The following FGF14 variants were observed in gnomAD, a reference collection of about 807,000 sequenced individuals.
The protein encoded by FGF14 is fibroblast growth factor 14, also known as fibroblast growth factor homologous factor 4.
FGF14 carries 5 observed loss-of-function variants against 25.5 expected under a neutral mutation model. That is an observed-to-expected ratio of 0.20 (90% confidence interval 0.10 to 0.41). The LOEUF (loss-of-function observed/expected upper bound fraction) is 0.41. FGF14 is among the 10% of genes least tolerant of loss of function. FGF14 has a pLI of 1.00. For missense variants in FGF14, 222 were observed against 320.1 expected (o/e 0.69, Z 2.34); for synonymous variants, 138 against 118.3 (o/e 1.17, Z -1.08).
intron 1 of FGF14, among the ~76,000 whole-genome samples, chr13:102,174,937 A>C (rs1166950906): frequency 6.6e-6 from 1 of 152,126 alleles, no homozygotes; most frequent in Non-Finnish European, 1.5e-5. Flanking sequence ...AAATTAAAAA[A>C]AAAAGAAATT....
chr13:102,079,378 C>A (rs2043510977), intron 1 of FGF14, among the ~76,000 whole-genome samples: 1 of 152,104 alleles, frequency 6.6e-6, no homozygotes, highest in South Asian at 2.1e-4. Context: ...CAGAGGAAAT[C>A]ATATTAAAGT....
At chr13:102,318,232 C>A (rs1020813816) in intron 1 of FGF14, among the ~76,000 whole-genome samples, 1 of 152,134 alleles carries the variant, frequency 6.6e-6, no homozygotes, top group African/African-American at 2.4e-5. Context: ...AGCCAGAATT[C>A]AGTTTGAAAT....
chr13:102,031,588 A>T (rs2041211340), intron 1 of FGF14, among the ~76,000 whole-genome samples: 1 of 152,082 alleles, frequency 6.6e-6, no homozygotes. Context: ...CAGAACTAAA[A>T]GACCAAAAAT....
At chr13:102,382,325 G>C (rs757276306) in intron 1 of FGF14, among the ~76,000 whole-genome samples, 2 of 152,032 alleles carry the variant, frequency 1.3e-5, no homozygotes, top group Non-Finnish European at 1.5e-5. Context: ...CAAATAATTT[G>C]AGTAGACATT....
At chr13:102,054,837 C>T (rs921245251) in intron 1 of FGF14, among the ~76,000 whole-genome samples, 4 of 152,142 alleles carry the variant, frequency 2.6e-5, no homozygotes, top group Admixed American at 2.0e-4. Flanking sequence ...TCCTTTTATT[C>T]ATCCCCAATA....
At chr13:102,326,436 T>C (rs1032560688) in intron 1 of FGF14, among the ~76,000 whole-genome samples, 16 of 152,112 alleles carry the variant, frequency 1.1e-4, no homozygotes, top group Non-Finnish European at 4.4e-5. Flanking sequence ...CCCAGTAAAC[T>C]CTTTTCTTGG....
chr13:101,789,243 T>C (rs1324801821), intron 3 of FGF14, among the ~76,000 whole-genome samples: 1 of 152,044 alleles, frequency 6.6e-6, no homozygotes, highest in Non-Finnish European at 1.5e-5. Context: ...TTTCCCTATT[T>C]CCATGCTTCC....
At chr13:101,727,936 G>T (rs939444222) in intron 3 of FGF14, among the ~76,000 whole-genome samples, 12 of 151,986 alleles carry the variant, frequency 7.9e-5, no homozygotes, top group African/African-American at 2.7e-4. Flanking sequence ...TTCTTTAATA[G>T]ATTTTATTAT....
intron 1 of FGF14, among the ~76,000 whole-genome samples, chr13:102,015,924 C>G (rs1473616902): frequency 1.3e-5 from 2 of 151,972 alleles, no homozygotes; most frequent in South Asian, 2.1e-4. Flanking sequence ...ATTGCAAAAA[C>G]CAATAGAAAT....
chr13:101,864,877 G>GA, intron 3 of FGF14, among the ~76,000 whole-genome samples: 1 of 152,154 alleles, frequency 6.6e-6, no homozygotes, highest in Non-Finnish European at 1.5e-5. Flanking sequence ...TTATCATTCA[G>GA]AAAAATCAAT....
At chr13:102,110,566 C>G (rs116788143) in intron 1 of FGF14, among the ~76,000 whole-genome samples, 4 of 152,250 alleles carry the variant, frequency 2.6e-5, no homozygotes, top group African/African-American at 9.6e-5. Context: ...AGAGTTCCAA[C>G]AGAACAACAG....
At chr13:101,858,975 T>A (rs759596501) in intron 3 of FGF14, among the ~76,000 whole-genome samples, 9 of 152,152 alleles carry the variant, frequency 5.9e-5, no homozygotes, top group Non-Finnish European at 1.0e-4. Context: ...ATGGCCATAT[T>A]AGAATGCAGC....
chr13:102,027,761 T>C (rs1251243594), intron 1 of FGF14, among the ~76,000 whole-genome samples: 2 of 152,004 alleles, frequency 1.3e-5, no homozygotes, highest in Admixed American at 6.6e-5. Context: ...CGTGGGTGCA[T>C]GTGTGTGTCT....
chr13:102,112,813 A>G (rs1374675172), intron 1 of FGF14, among the ~76,000 whole-genome samples: 1 of 152,250 alleles, frequency 6.6e-6, no homozygotes, highest in African/African-American at 2.4e-5. Context: ...GTAGGTATGT[A>G]ACATTCCTTA....
At chr13:101,986,271 T>A (rs1004383224) in intron 1 of FGF14, among the ~76,000 whole-genome samples, 12 of 152,114 alleles carry the variant, frequency 7.9e-5, no homozygotes, top group African/African-American at 2.9e-4. Flanking sequence ...TGGGTTTCTT[T>A]TGCTTCCTTT....
chr13:102,133,785 G>A (rs1594091161), intron 1 of FGF14, among the ~76,000 whole-genome samples: 1 of 152,184 alleles, frequency 6.6e-6, no homozygotes, highest in African/African-American at 2.4e-5. Context: ...GGGCTACCTT[G>A]TTTAGAATTC....
intron 1 of FGF14, among the ~76,000 whole-genome samples, chr13:102,189,507 A>C (rs1207038277): frequency 6.6e-6 from 1 of 152,224 alleles, no homozygotes; most frequent in East Asian, 1.9e-4. Context: ...TTATGGAGGT[A>C]GAATCCCTTA....
intron 3 of FGF14, among the ~76,000 whole-genome samples, chr13:101,863,900 G>A (rs1288408035): frequency 6.6e-6 from 1 of 152,192 alleles, no homozygotes; most frequent in Non-Finnish European, 1.5e-5. Flanking sequence ...GGAAAGCTAA[G>A]GACAGACGGA....
intron 1 of FGF14, among the ~76,000 whole-genome samples, chr13:101,875,807 G>A (rs1041034609): frequency 2.0e-5 from 3 of 151,964 alleles, no homozygotes; most frequent in Non-Finnish European, 4.4e-5. Context: ...CATATTCTTA[G>A]GAAAAGCCCC....
Sources: allele counts gnomAD v4.1 joint callset (sites outside exome capture counted in the v4.1 genomes callset), GRCh38; gene constraint gnomAD v4.1.1; transcripts MANE v1.5; gene names NCBI Gene and HGNC (gene_info 2026-07-23, HGNC 2026-07-21).